The following CNTLN variants were observed in gnomAD, a reference collection of about 807,000 sequenced individuals.
CNTLN encodes the protein centlein, also known as centlein, centrosomal protein.
A neutral mutation model predicts 180.0 loss-of-function variants in CNTLN; 212 were observed. That is an observed-to-expected ratio of 1.18 (90% CI 1.05 to 1.32). CNTLN has a LOEUF of 1.32. CNTLN is among the 40% of genes most tolerant of loss of function. The pLI, the probability that CNTLN is intolerant of heterozygous loss-of-function variation, is 0.00. For synonymous variants in CNTLN, 722 were observed against 563.1 expected, an observed-to-expected ratio of 1.28 and a Z score of -3.99; for missense variants, 2,095 against 1,610.9, an observed-to-expected ratio of 1.30 and a Z score of -5.14.
At position 17,231,350 on chromosome 9, in the gene CNTLN, G is replaced by GA. The variant is rs1824800543; in HGVS notation, c.535-4308_535-4307insA. The stretch of plus-strand genomic sequence containing the variant: ...TACTAGAAAGTTACACACACACACA[G>GA]TTTTTTTTTAGCTGTTTGCAGAAAA... On this transcript the variant is annotated intron_variant, in intron 3 of 25. Transcript: ENST00000380647. 2.0e-5 allele frequency among the ~76,000 whole-genome samples: 3 copies of GA among 150,926 alleles called. No homozygotes were observed. In the South Asian group the frequency reaches 6.3e-4, roughly 32 times the overall value.
intron 5 of CNTLN, among the ~76,000 whole-genome samples, chr9:17,242,861 TAG>T (rs1466248496): frequency 6.6e-6 from 1 of 152,238 alleles, no homozygotes; most frequent in Non-Finnish European, 1.5e-5. Context: ...ACTGGCCTTG[TAG>T]AATGAGTTTG....
intron 6 of CNTLN, among the ~76,000 whole-genome samples, chr9:17,290,708 A>G (rs11496330): frequency 0.21 from 31,297 of 146,518 alleles, 3,567 homozygotes; most frequent in South Asian, 0.33. Context: ...ATATAATCTC[A>G]TGGTTCGCCG....
chr9:17,377,844 C>A (rs1824905946), intron 13 of CNTLN, among the ~76,000 whole-genome samples: 1 of 152,014 alleles, frequency 6.6e-6, no homozygotes, highest in South Asian at 2.1e-4. Context: ...TAAGTGGATG[C>A]CTGAAAATTT....
At chr9:17,188,034 A>G (rs954095072) in intron 2 of CNTLN, among the ~76,000 whole-genome samples, 2 of 146,160 alleles carry the variant, frequency 1.4e-5, no homozygotes, top group Admixed American at 6.9e-5. Flanking sequence ...ATATATATAC[A>G]CAGCATATTT....
At chr9:17,260,305 C>G (rs1461317875) in intron 5 of CNTLN, among the ~76,000 whole-genome samples, 2 of 150,448 alleles carry the variant, frequency 1.3e-5, no homozygotes, top group Non-Finnish European at 2.9e-5. Flanking sequence ...TTTCTTAATC[C>G]TGAGTTCTAG....
intron 25 of CNTLN, chr9:17,494,870 A>G (rs1276479413): frequency 2.5e-6 from 1 of 402,176 alleles, no homozygotes; most frequent in East Asian, 7.7e-5. Flanking sequence ...TATTTACTAT[A>G]CCATACTTTT....
intron 7 of CNTLN, among the ~76,000 whole-genome samples, chr9:17,305,468 G>T (rs947346733): frequency 1.3e-5 from 2 of 151,282 alleles, no homozygotes; most frequent in Non-Finnish European, 2.9e-5. Flanking sequence ...TATGCCTAAA[G>T]CAATGCAGAT....
At chr9:17,296,095 C>G (rs1817912214) in intron 6 of CNTLN, among the ~76,000 whole-genome samples, 1 of 151,272 alleles carries the variant, frequency 6.6e-6, no homozygotes, top group Non-Finnish European at 1.5e-5. Context: ...GATCTCGGCT[C>G]AGGATCAAAT....
intron 2 of CNTLN, among the ~76,000 whole-genome samples, chr9:17,170,040 GT>G (rs1428270355): frequency 6.6e-6 from 1 of 151,940 alleles, no homozygotes; most frequent in Non-Finnish European, 1.5e-5. Flanking sequence ...TATTTTTCCA[GT>G]TATTTGTGTC....
the CNTLN span, among the ~76,000 whole-genome samples, chr9:17,522,319 C>T: frequency 2.0e-5 from 3 of 152,086 alleles, no homozygotes; most frequent in Non-Finnish European, 4.4e-5. Flanking sequence ...TTGTGCTAAC[C>T]GGTTTCATTC....
At chr9:17,409,566 A>T in intron 16 of CNTLN, 93 bp downstream of exon 16, 1 of 897,310 alleles carries the variant, frequency 1.1e-6, no homozygotes, top group Non-Finnish European at 1.7e-6. Context: ...TACTGATTTA[A>T]TTTGAATTCT....
chr9:17,304,708 A>T (rs1281829923), intron 7 of CNTLN, among the ~76,000 whole-genome samples: 5 of 152,182 alleles, frequency 3.3e-5, no homozygotes, highest in Non-Finnish European at 7.4e-5. Context: ...TGGGAAAAAA[A>T]TGAAAAATAG....
At chr9:17,288,921 T>C (rs1829175366) in intron 6 of CNTLN, among the ~76,000 whole-genome samples, 1 of 115,322 alleles carries the variant, frequency 8.7e-6, no homozygotes, top group South Asian at 4.2e-4. Flanking sequence ...TGAGATGGGT[T>C]TCCTGAATAC....
chr9:17,403,456 A>T (rs1312832760), intron 15 of CNTLN, among the ~76,000 whole-genome samples: 1 of 151,664 alleles, frequency 6.6e-6, no homozygotes, highest in African/African-American at 2.4e-5. Flanking sequence ...CAAATCCCAA[A>T]AAAAAGCTTC....
intron 13 of CNTLN, among the ~76,000 whole-genome samples, chr9:17,372,921 T>G (rs1824448658): frequency 6.6e-6 from 1 of 152,196 alleles, no homozygotes; most frequent in Non-Finnish European, 1.5e-5. Context: ...TCAGTGAAAT[T>G]CAACATTCTT....
chr9:17,160,523 C>T (rs1819606779), intron 2 of CNTLN, among the ~76,000 whole-genome samples: 1 of 152,184 alleles, frequency 6.6e-6, no homozygotes, highest in African/African-American at 2.4e-5. Flanking sequence ...TCAGTCACTT[C>T]CTCTTTTGCA....
intron 8 of CNTLN, among the ~76,000 whole-genome samples, chr9:17,324,367 G>A (rs919920840): frequency 1.2e-4 from 18 of 152,124 alleles, no homozygotes; most frequent in African/African-American, 3.9e-4. Context: ...AAATCTGAAT[G>A]TGTTTTATTT....
At chr9:17,196,267 A>G (rs1199158979) in intron 2 of CNTLN, among the ~76,000 whole-genome samples, 1 of 152,098 alleles carries the variant, frequency 6.6e-6, no homozygotes, top group African/African-American at 2.4e-5. Context: ...CAGGTGATCC[A>G]CCTGCCTCGG....
Position 17,437,287 on chromosome 9 carries a change from C to T in CNTLN, c.3115-20237C>T, listed in dbSNP as rs114445080. 9.5e-3 allele frequency among the ~76,000 whole-genome samples: 1,454 copies of T among 152,264 alleles called. 22 individuals are homozygous for T. Among genetic ancestry groups the T allele is most frequent in the African/African-American group, 0.033 (1,359 of 41,530 alleles). On this transcript the variant is annotated intron_variant, in intron 18 of 25. Coordinates refer to ENST00000380647, the MANE Select transcript of CNTLN (RefSeq NM_017738.4). ...ACTTTGTAGGAAACTATTATTACCA[C>T]TTGGAACACTGTATACTATAAAATT...
Sources: allele counts gnomAD v4.1 joint callset (sites outside exome capture counted in the v4.1 genomes callset), GRCh38; gene constraint gnomAD v4.1.1; transcripts MANE v1.5; gene names NCBI Gene and HGNC (gene_info 2026-07-23, HGNC 2026-07-21).